Variants in SYNPR observed in about 807,000 individuals in gnomAD.
The protein encoded by SYNPR is synaptoporin.
Under a neutral mutation model 32.9 loss-of-function variants are expected in SYNPR, and 23 were observed. That is an observed-to-expected ratio of 0.70 (90% CI 0.50 to 0.99). The LOEUF (loss-of-function observed/expected upper bound fraction) is 0.99. Ranked by LOEUF, SYNPR falls within the 50% of genes least tolerant of loss-of-function variation. The pLI, the probability that SYNPR is intolerant of heterozygous loss-of-function variation, is 0.00. For missense variants in SYNPR, 318 were observed against 349.3 expected (o/e 0.91, Z 0.71); for synonymous variants, 146 against 135.9 (o/e 1.07, Z -0.52).
At chr3:63,577,123 T>C (rs1005011417) in intron 4 of SYNPR, among the ~76,000 whole-genome samples, 2 of 152,134 alleles carry the variant, frequency 1.3e-5, no homozygotes, top group African/African-American at 4.8e-5. Context: ...GAAAAACAGA[T>C]GGCTATGCAA....
At chr3:63,518,955 G>A (rs1575688273) in intron 3 of SYNPR, among the ~76,000 whole-genome samples, 2 of 152,114 alleles carry the variant, frequency 1.3e-5, no homozygotes, top group South Asian at 4.1e-4. Flanking sequence ...AGTTTGTTGA[G>A]GGTTTTTAAC....
intron 3 of SYNPR, among the ~76,000 whole-genome samples, chr3:63,529,473 G>C (rs549562206): frequency 5.3e-5 from 8 of 152,226 alleles, no homozygotes; most frequent in African/African-American, 1.9e-4. Flanking sequence ...GTACTAAAAT[G>C]TTTGTTGGAA....
chr3:63,455,163 C>T (rs1700458657), intron 2 of SYNPR, among the ~76,000 whole-genome samples: 1 of 152,074 alleles, frequency 6.6e-6, no homozygotes, highest in Non-Finnish European at 1.5e-5. Flanking sequence ...TGTTACCTCT[C>T]TCCTTATTCT....
intron 2 of SYNPR, among the ~76,000 whole-genome samples, chr3:63,366,676 C>A (rs923383293): frequency 1.3e-4 from 20 of 152,146 alleles, no homozygotes; most frequent in African/African-American, 4.6e-4. Flanking sequence ...TTTATAGTTT[C>A]TATCAAAGAG....
chr3:63,603,476 G>C (rs1700073675), intron 4 of SYNPR, among the ~76,000 whole-genome samples: 1 of 152,044 alleles, frequency 6.6e-6, no homozygotes, highest in African/African-American at 2.4e-5. Context: ...TGTTGGCTGT[G>C]GGTTTGTCAT....
intron 3 of SYNPR, 136 bp from the exon 4 acceptor site, chr3:63,556,407 T>C (rs1300647368): frequency 1.5e-6 from 1 of 649,560 alleles, no homozygotes; most frequent in African/African-American, 1.8e-5. Context: ...TGTAAATTTC[T>C]TAATGAATAT....
At chr3:63,595,808 T>TGAAA (rs1325207713) in intron 4 of SYNPR, among the ~76,000 whole-genome samples, 1 of 72,232 alleles carries the variant, frequency 1.4e-5, no homozygotes, top group African/African-American at 5.8e-5. Context: ...TAGTTATATA[T>TGAAA]ATATATAGTT....
At chr3:63,288,261 C>T (rs2086705170) in intron 2 of SYNPR, among the ~76,000 whole-genome samples, 1 of 152,166 alleles carries the variant, frequency 6.6e-6, no homozygotes, top group African/African-American at 2.4e-5. Context: ...CGAAACATTC[C>T]CCTTTTGTCT....
chr3:63,552,779 C>T (rs1702525781), intron 3 of SYNPR, among the ~76,000 whole-genome samples: 1 of 152,176 alleles, frequency 6.6e-6, no homozygotes, highest in African/African-American at 2.4e-5. Context: ...AAAAATCAGG[C>T]TCTGGAGTTT....
intron 2 of SYNPR, among the ~76,000 whole-genome samples, chr3:63,352,302 C>A (rs1247284360): frequency 6.6e-6 from 1 of 151,966 alleles, no homozygotes; most frequent in Non-Finnish European, 1.5e-5. Context: ...TCACCCAGTT[C>A]TCGAAGTGAA....
intron 2 of SYNPR, among the ~76,000 whole-genome samples, chr3:63,266,587 A>G (rs2086486720): frequency 6.6e-6 from 1 of 151,708 alleles, no homozygotes; most frequent in Non-Finnish European, 1.5e-5. Context: ...CGTGCCTGTA[A>G]TCCCAGCTAC....
chr3:63,532,765 G>C (rs1343199603), intron 3 of SYNPR, among the ~76,000 whole-genome samples: 2 of 152,212 alleles, frequency 1.3e-5, no homozygotes, highest in African/African-American at 4.8e-5. Flanking sequence ...GCACAGACGT[G>C]CAAGGTTTTA....
intron 2 of SYNPR, among the ~76,000 whole-genome samples, chr3:63,300,271 C>T (rs2086830199): frequency 6.6e-6 from 1 of 151,868 alleles, no homozygotes; most frequent in Non-Finnish European, 1.5e-5. Context: ...ACTCAGGGTC[C>T]CCTTTTCAAA....
rs190269288 is a variant in SYNPR, at chr3:63,496,017, T to C, written c.209+15061T>C. ...ACAGATGTACCTCCTTTGTGCAGAA[T>C]GTCAATAACAGGGGAGACTGTGCCT... is the stretch of plus-strand genomic sequence containing the variant. On this transcript the variant is annotated intron_variant, in intron 3 of 5. Transcript: ENST00000478300. Among the ~76,000 whole-genome samples, 184 of 152,278 alleles carry C rather than the reference T, an allele frequency of 1.2e-3. 1 individual carries two copies. Among genetic ancestry groups the C allele is most frequent in the African/African-American group, 3.9e-3 (162 of 41,558 alleles).
intron 2 of SYNPR, among the ~76,000 whole-genome samples, chr3:63,335,882 T>A (rs113624372): frequency 0.048 from 7,212 of 149,084 alleles, 237 homozygotes; most frequent in Middle Eastern, 0.094. Flanking sequence ...GTTCAAGCGA[T>A]TCTTCTGCCT....
intron 2 of SYNPR, among the ~76,000 whole-genome samples, chr3:63,346,866 C>G (rs953092266): frequency 7.2e-5 from 11 of 152,144 alleles, no homozygotes; most frequent in Admixed American, 2.0e-4. Flanking sequence ...ATTGTGTCTT[C>G]CCCAAATGGC....
rs2086371344 is a variant in SYNPR, at chr3:63,255,156, C to A, written n.154+2570C>A. The stretch of plus-strand genomic sequence containing the variant: ...CAAACAAACATCTCTCCAGACATTA[C>A]CAAAAATTCTCCTGGGGAGGCGGTC... On this transcript the variant is annotated intron_variant and non_coding_transcript_variant, in intron 2 of 4. Coordinates refer to the SYNPR transcript ENST00000478456. 1.3e-5 allele frequency among the ~76,000 whole-genome samples: 2 copies of A among 152,076 alleles called. 1 individual carries two copies. Among genetic ancestry groups the A allele is most frequent in the Middle Eastern group, 6.3e-3 (2 of 316 alleles).
chr3:63,478,080 T>C (rs1187268793), intron 2 of SYNPR, among the ~76,000 whole-genome samples: 6 of 152,176 alleles, frequency 3.9e-5, no homozygotes, highest in African/African-American at 1.4e-4. Flanking sequence ...TTTAACTCAA[T>C]TACAATGCCT....
intron 3 of SYNPR, among the ~76,000 whole-genome samples, chr3:63,267,865 G>T (rs2086503767): frequency 6.6e-6 from 1 of 152,036 alleles, no homozygotes; most frequent in Non-Finnish European, 1.5e-5. Flanking sequence ...GGAGCCTGAG[G>T]AAACTTCCCT....
Sources: gnomAD v4.1 joint callset for allele counts (sites outside exome capture counted in the v4.1 genomes callset) on GRCh38, gnomAD v4.1.1 for gene constraint, MANE v1.5 for transcripts, NCBI Gene and HGNC (gene_info 2026-07-23, HGNC 2026-07-21) for gene names.